The following SYN3 variants were observed in gnomAD, a reference collection of about 807,000 sequenced individuals.
SYN3 encodes the protein synapsin-3.
Under a neutral mutation model 65.8 loss-of-function variants are expected in SYN3, and 35 were observed. That is an observed-to-expected ratio of 0.53 (90% confidence interval 0.41 to 0.70). The LOEUF (loss-of-function observed/expected upper bound fraction) is 0.70, where lower values mean the gene tolerates loss of function less well. Ranked by LOEUF, SYN3 falls within the 30% of genes least tolerant of loss-of-function variation. SYN3 has a pLI of 0.00. For synonymous variants in SYN3, 270 were observed against 292.9 expected, an observed-to-expected ratio of 0.92 and a Z score of 0.80; for missense variants, 680 against 749.0, an observed-to-expected ratio of 0.91 and a Z score of 1.08.
intron 7 of SYN3, among the ~76,000 whole-genome samples, chr22:32,542,538 T>G (rs1267392215): frequency 1.3e-5 from 2 of 151,300 alleles, no homozygotes; most frequent in Non-Finnish European, 2.9e-5. Context: ...TCTGTGTGTG[T>G]GTGTAGTGTG....
chr22:32,918,986 TA>T (rs1219694884), intron 4 of SYN3, among the ~76,000 whole-genome samples: 2 of 152,210 alleles, frequency 1.3e-5, no homozygotes, highest in African/African-American at 2.4e-5. Flanking sequence ...GGGCTAGTCC[TA>T]GATGCTTTGT....
intron 12 of SYN3, among the ~76,000 whole-genome samples, chr22:32,527,268 C>T (rs939056977): frequency 6.6e-6 from 1 of 152,202 alleles, no homozygotes; most frequent in African/African-American, 2.4e-5. Flanking sequence ...AAAGGCCAGA[C>T]TTGTAAATCT....
intron 3 of SYN3, among the ~76,000 whole-genome samples, chr22:32,961,421 G>C (rs957336035): frequency 2.0e-5 from 3 of 152,190 alleles, no homozygotes; most frequent in Admixed American, 6.5e-5. Flanking sequence ...GCTCTAAGGA[G>C]CATGGTTGGA....
At chr22:33,003,257 G>A (rs1403434260) in intron 2 of SYN3, among the ~76,000 whole-genome samples, 3 of 152,222 alleles carry the variant, frequency 2.0e-5, no homozygotes, top group African/African-American at 7.2e-5. Flanking sequence ...AAATGTGTAA[G>A]TGACTTTGGA....
At chr22:32,953,480 T>C (rs1031084520) in intron 3 of SYN3, among the ~76,000 whole-genome samples, 6 of 151,086 alleles carry the variant, frequency 4.0e-5, no homozygotes, top group African/African-American at 1.5e-4. Context: ...AAGAATAAAT[T>C]TGATCAGTGA....
At chr22:32,991,605 C>T (rs1201522366) in intron 2 of SYN3, among the ~76,000 whole-genome samples, 2 of 152,114 alleles carry the variant, frequency 1.3e-5, no homozygotes, top group Admixed American at 6.5e-5. Flanking sequence ...GCCTATGCTG[C>T]TGTTTTTCTT....
intron 6 of SYN3, among the ~76,000 whole-genome samples, chr22:32,798,432 G>C (rs753026278): frequency 2.6e-5 from 4 of 152,094 alleles, no homozygotes; most frequent in Non-Finnish European, 5.9e-5. Context: ...TTTAAAACAA[G>C]GATGAGTAGT....
chr22:32,890,808 T>C (rs568252427), intron 4 of SYN3, among the ~76,000 whole-genome samples: 7 of 151,480 alleles, frequency 4.6e-5, no homozygotes, highest in African/African-American at 1.7e-4. Context: ...ACTATATATA[T>C]AGAGAGAGAG....
At chr22:32,961,990 C>T (rs180972212) in intron 3 of SYN3, among the ~76,000 whole-genome samples, 2 of 152,228 alleles carry the variant, frequency 1.3e-5, no homozygotes, top group Non-Finnish European at 2.9e-5. Flanking sequence ...CATCTGATCC[C>T]GGGTACAGCT....
chr22:32,749,023 G>A (rs1354544956), intron 6 of SYN3, among the ~76,000 whole-genome samples: 1 of 152,146 alleles, frequency 6.6e-6, no homozygotes, highest in Non-Finnish European at 1.5e-5. Context: ...CTGCTTGGCT[G>A]TGTTAATCCA....
chr22:33,012,036 A>T (rs988728798), intron 1 of SYN3, among the ~76,000 whole-genome samples: 1 of 151,652 alleles, frequency 6.6e-6, no homozygotes, highest in Non-Finnish European at 1.5e-5. Flanking sequence ...TTTCTATTTC[A>T]CTTATTTCTG....
intron 3 of SYN3, among the ~76,000 whole-genome samples, chr22:32,944,537 T>C (rs9754454): frequency 2.0e-5 from 3 of 152,134 alleles, no homozygotes; most frequent in African/African-American, 7.2e-5. Flanking sequence ...ATTGATGGGA[T>C]GTATCTCAAA....
intron 1 of SYN3, among the ~76,000 whole-genome samples, chr22:33,038,387 A>G (rs1052498931): frequency 1.3e-5 from 2 of 152,142 alleles, no homozygotes; most frequent in Admixed American, 6.5e-5. Flanking sequence ...TCTGCAGAAA[A>G]CAGTCATTCC....
chr22:32,660,558 A>AG (rs1260469906), intron 6 of SYN3, among the ~76,000 whole-genome samples: 2 of 152,202 alleles, frequency 1.3e-5, no homozygotes, highest in African/African-American at 4.8e-5. Flanking sequence ...TCTGGGGTTA[A>AG]GGGGCTGGCG....
chr22:32,537,950 G>T, intron 9 of SYN3, 86 bp downstream of exon 9: 2 of 1,232,136 alleles, frequency 1.6e-6, no homozygotes, highest in South Asian at 1.2e-5. Flanking sequence ...GGGCGGAGTG[G>T]CCTTCTCTTC....
intron 1 of SYN3, among the ~76,000 whole-genome samples, chr22:33,025,929 G>A (rs2053635151): frequency 6.6e-6 from 1 of 152,118 alleles, no homozygotes; most frequent in Admixed American, 6.5e-5. Context: ...TTTGAACCAT[G>A]AGCCAAAGAG....
At chr22:32,901,671 G>A (rs956325444) in intron 4 of SYN3, among the ~76,000 whole-genome samples, 3 of 152,168 alleles carry the variant, frequency 2.0e-5, no homozygotes, top group Non-Finnish European at 4.4e-5. Flanking sequence ...TTAATCCCCA[G>A]GACAACCCTC....
intron 6 of SYN3, among the ~76,000 whole-genome samples, chr22:32,803,969 G>A (rs1185710884): frequency 6.6e-6 from 1 of 152,126 alleles, no homozygotes. Context: ...TTCCAATGGG[G>A]GCCTTCCCGT....
chr22:32,817,059 A>AT lies in SYN3; in HGVS notation c.711+47855dup, dbSNP rs1169826752. 2.3e-4 allele frequency among the ~76,000 whole-genome samples: 6 copies of AT among 25,760 alleles called. 1 individual carries two copies. In the South Asian group the frequency reaches 3.2e-3, roughly 14 times the overall value. 16.9% of individuals were successfully genotyped at this position (25,760 alleles called of 152,430 possible). ...ATAGTAAGATTCCCTGTCTCTACTAATTTAAAAAAAAAAAAAAGAAAAGGT... is the reference window on the plus strand; with the variant it reads ...ATAGTAAGATTCCCTGTCTCTACTAATTTTAAAAAAAAAAAAAAGAAAAGGT... On this transcript the variant is annotated intron_variant, in intron 6 of 13. Transcript: ENST00000358763.
Sources: allele counts gnomAD v4.1 joint callset (sites outside exome capture counted in the v4.1 genomes callset), GRCh38; gene constraint gnomAD v4.1.1; transcripts MANE v1.5; gene names NCBI Gene and HGNC (gene_info 2026-07-23, HGNC 2026-07-21).